The following CEP63 variants were observed in gnomAD, a reference collection of about 807,000 sequenced individuals.
CEP63 encodes the protein centrosomal protein of 63 kDa.
CEP63 carries 84 observed loss-of-function variants against 89.1 expected under a neutral mutation model. The ratio of observed to expected loss-of-function variants is 0.94; its 90% CI spans 0.79 to 1.13. The LOEUF (loss-of-function observed/expected upper bound fraction) is 1.13. Ranked by LOEUF, CEP63 falls within the 50% of genes most tolerant of loss-of-function variation. CEP63 has a pLI of 0.00. For missense variants in CEP63, 838 were observed against 813.3 expected, an observed-to-expected ratio of 1.03 and a Z score of -0.37; for synonymous variants, 267 against 272.5, an observed-to-expected ratio of 0.98 and a Z score of 0.20.
the CEP63 span, among the ~76,000 whole-genome samples, chr3:134,620,149 A>G: frequency 6.6e-6 from 1 of 151,944 alleles, no homozygotes; most frequent in Non-Finnish European, 1.5e-5. Context: ...CTTAGCCACC[A>G]CCTCTGCAGC....
At chr3:134,627,473 G>A in the CEP63 span, among the ~76,000 whole-genome samples, 1,181 of 152,262 alleles carry the variant, frequency 7.8e-3, 34 homozygotes, top group Admixed American at 0.047. Context: ...ACATAATCCT[G>A]AATTACGATT....
the CEP63 span, among the ~76,000 whole-genome samples, chr3:134,644,002 T>C: frequency 6.6e-6 from 1 of 152,256 alleles, no homozygotes; most frequent in Admixed American, 6.5e-5. Context: ...ATTTTTTGTA[T>C]TTTTAGTAGA....
the CEP63 span, among the ~76,000 whole-genome samples, chr3:134,752,974 G>A: frequency 6.6e-6 from 1 of 152,180 alleles, no homozygotes; most frequent in African/African-American, 2.4e-5. Context: ...CCAGGAGCCT[G>A]GCAGAAACAC....
At chr3:134,593,082 G>C in the CEP63 span, among the ~76,000 whole-genome samples, 2 of 152,172 alleles carry the variant, frequency 1.3e-5, no homozygotes, top group Admixed American at 6.5e-5. Context: ...TCCAGTAATG[G>C]ACAGCTGCCT....
chr3:134,603,664 C>T, the CEP63 span: 1 of 1,613,572 alleles, frequency 6.2e-7, no homozygotes, highest in African/African-American at 1.3e-5. Flanking sequence ...GACTTCCTGG[C>T]AGCCAGCTGT....
Position 134,556,107 on chromosome 3 carries a change from T to A in CEP63, c.1468-2035T>A, listed in dbSNP as rs1317488575. Among the ~76,000 whole-genome samples, 3 of 149,032 alleles carry A rather than the reference T, an allele frequency of 2.0e-5. No individual in the cohort carries two copies. In the Admixed American group the frequency reaches 2.0e-4, roughly 10 times the overall value. On this transcript the variant is annotated intron_variant, in intron 12 of 14. Transcript: ENST00000675561. The stretch of plus-strand genomic sequence containing the variant: ...TGAAACTGGATCCCTTCCTTACACC[T>A]TATACAAAAATCAATTCAAGATGGA...
At chr3:134,538,710 A>G (rs756534278) in intron 6 of CEP63, among the ~76,000 whole-genome samples, 12 of 151,202 alleles carry the variant, frequency 7.9e-5, no homozygotes, top group Non-Finnish European at 1.5e-4. Flanking sequence ...GAGCCACCAC[A>G]CTTGACCAAG....
the CEP63 span, among the ~76,000 whole-genome samples, chr3:134,595,032 A>G: frequency 1.3e-5 from 2 of 152,160 alleles, no homozygotes; most frequent in East Asian, 3.9e-4. Context: ...GGCTAGCTTA[A>G]TGGGAAGCCA....
chr3:134,507,283 G>A lies in CEP63; in HGVS notation c.219G>A (p.Lys73=), dbSNP rs768930622. The change falls in exon 3 of 15, where the codon AAG becomes AAA. Residue 73 remains lysine, a synonymous_variant. Transcript: ENST00000675561. ...GGAGTCAGTTGGATGTGACACATAA[G>A]GAGGTAAAGCAATTTATTTGTTCTT... ...SLRSQLDVTH[K]EVGMLHQQVE... The A allele has an allele frequency of 3.4e-5, 54 of 1,608,746 alleles. No homozygotes were observed. Among genetic ancestry groups the A allele is most frequent in the Non-Finnish European group, 4.3e-5 (50 of 1,175,946 alleles).
chr3:134,644,174 C>A, the CEP63 span, among the ~76,000 whole-genome samples: 1 of 152,216 alleles, frequency 6.6e-6, no homozygotes. Context: ...CTGCCTCCTA[C>A]CCCAGCCTAG....
the CEP63 span, among the ~76,000 whole-genome samples, chr3:134,652,688 CACTT>C: frequency 3.9e-5 from 6 of 152,136 alleles, no homozygotes; most frequent in East Asian, 3.9e-4. Flanking sequence ...GGCTGGCTAA[CACTT>C]ACTCTCTATG....
chr3:134,573,567 G>A (rs1304031593), intron 11 of CEP63, among the ~76,000 whole-genome samples: 1 of 152,146 alleles, frequency 6.6e-6, no homozygotes, highest in East Asian at 1.9e-4. Flanking sequence ...CTGTAGGCAT[G>A]TGGCTTTATT....
At position 134,490,556 on chromosome 3, in the gene CEP63, A is replaced by C. The variant is rs369635135; in HGVS notation, c.-26+4354A>C. Reference sequence around the variant, plus strand: ...CCTATCAAGTTGATATCTAGTTGGTAGTTGATTTATTTTATTTTGTTTCCA... The same window carrying C: ...CCTATCAAGTTGATATCTAGTTGGTCGTTGATTTATTTTATTTTGTTTCCA... On this transcript the variant is annotated intron_variant, in intron 1 of 14. Coordinates refer to ENST00000675561, the MANE Select transcript of CEP63 (RefSeq NM_001353108.3). Among the ~76,000 whole-genome samples, 3 of 151,884 alleles carry C rather than the reference A, an allele frequency of 2.0e-5. 1 individual carries two copies. The East Asian group carries it at 5.8e-4, about 29-fold the overall frequency.
chr3:134,490,614 T>C (rs1396721041), intron 1 of CEP63, among the ~76,000 whole-genome samples: 1 of 151,892 alleles, frequency 6.6e-6, no homozygotes, highest in Non-Finnish European at 1.5e-5. Flanking sequence ...CCCATTTTGA[T>C]TTGTTTTATT....
At chr3:134,685,586 GA>G in the CEP63 span, among the ~76,000 whole-genome samples, 44,349 of 152,118 alleles carry the variant, frequency 0.29, 6,544 homozygotes, top group Middle Eastern at 0.33. Context: ...CTGGTTTGGG[GA>G]CAGAAGAGCT....
the CEP63 span, among the ~76,000 whole-genome samples, chr3:134,775,958 A>G: frequency 9.9e-5 from 15 of 152,200 alleles, no homozygotes; most frequent in Admixed American, 8.5e-4. Context: ...CACACTGAAC[A>G]CTAAAAGCTG....
the CEP63 span, among the ~76,000 whole-genome samples, chr3:134,781,655 G>A: frequency 6.6e-6 from 1 of 152,140 alleles, no homozygotes; most frequent in African/African-American, 2.4e-5. Context: ...AAAAGTAGTA[G>A]GAGAAAAAAT....
At chr3:134,665,600 G>A in the CEP63 span, among the ~76,000 whole-genome samples, 12 of 151,750 alleles carry the variant, frequency 7.9e-5, no homozygotes, top group Non-Finnish European at 1.6e-4. Flanking sequence ...CCGCCAGCCC[G>A]GAGTCCTCCA....
chr3:134,488,548 G>A (rs1332519905), intron 1 of CEP63, among the ~76,000 whole-genome samples: 1 of 152,006 alleles, frequency 6.6e-6, no homozygotes. Context: ...GGCGGAGGTT[G>A]CAGTGAGCCG....
Sources: allele counts gnomAD v4.1 joint callset (sites outside exome capture counted in the v4.1 genomes callset), GRCh38; gene constraint gnomAD v4.1.1; transcripts MANE v1.5; gene names NCBI Gene and HGNC (gene_info 2026-07-23, HGNC 2026-07-21).